The following SNX18 variants were observed in gnomAD, a reference collection of about 807,000 sequenced individuals.
SNX18 encodes sorting nexin-18.
Under a neutral mutation model 48.7 loss-of-function variants are expected in SNX18, and 35 were observed. The ratio of observed to expected loss-of-function variants is 0.72; its 90% CI spans 0.55 to 0.95. SNX18 has a LOEUF of 0.95. Among genes scored for constraint, SNX18 ranks in the 40% least tolerant of loss-of-function variants. SNX18 has a pLI of 0.00. For missense variants in SNX18, 824 were observed against 871.0 expected (o/e 0.95, Z 0.68); for synonymous variants, 492 against 384.7 (o/e 1.28, Z -3.26).
the SNX18 span, among the ~76,000 whole-genome samples, chr5:54,578,596 A>G: frequency 6.6e-6 from 1 of 152,190 alleles, no homozygotes; most frequent in African/African-American, 2.4e-5. Context: ...TTCTCTCCTG[A>G]CAGCCCAGAA....
In SNX18 at chr5:54,518,624, C is replaced by T. The variant is rs766223698; in HGVS notation, c.672C>T (p.Thr224=). ...CGTCGGGGCCCAAGAGCTCGGCCAC[C>T]GTGAGCCGCAACCTCAATCGCTTCT... ...HHPSGPKSSA[T]VSRNLNRFST... is the part of the protein sequence containing the mutation. The change falls in exon 1 of 2, where the codon ACC becomes ACT. Residue 224 remains threonine (T), a synonymous_variant. Transcript: ENST00000381410. The T allele has an allele frequency of 1.9e-6, 3 of 1,560,868 alleles. No individual in the cohort carries two copies. Among genetic ancestry groups the T allele is most frequent in the South Asian group, 2.4e-5 (2 of 82,324 alleles).
the SNX18 span, among the ~76,000 whole-genome samples, chr5:54,601,730 C>G: frequency 6.6e-6 from 1 of 152,122 alleles, no homozygotes. Flanking sequence ...CCTTCTGCTC[C>G]TCTTGACCCT....
At chr5:54,542,101 G>A (rs1031921093) in intron 1 of SNX18, among the ~76,000 whole-genome samples, 2 of 152,186 alleles carry the variant, frequency 1.3e-5, no homozygotes, top group African/African-American at 4.8e-5. Context: ...GCTAGGCACA[G>A]TCGGGAAATC....
chr5:54,550,738 C>G (rs1185914360), downstream of SNX18, among the ~76,000 whole-genome samples: 1 of 152,060 alleles, frequency 6.6e-6, no homozygotes, highest in African/African-American at 2.4e-5. Context: ...GTGCCCGCCA[C>G]CATGCCTGGC....
intron 1 of SNX18, among the ~76,000 whole-genome samples, chr5:54,541,177 G>A (rs536861336): frequency 6.2e-4 from 94 of 152,036 alleles, no homozygotes; most frequent in South Asian, 1.2e-3. Context: ...ACAGGTGCCC[G>A]CCACCACGCC....
At chr5:54,582,616 A>C in the SNX18 span, among the ~76,000 whole-genome samples, 1 of 151,960 alleles carries the variant, frequency 6.6e-6, no homozygotes, top group Non-Finnish European at 1.5e-5. Flanking sequence ...AAAACCAAAA[A>C]ACAAAAAAAC....
At chr5:54,646,506 G>T in the SNX18 span, among the ~76,000 whole-genome samples, 1 of 152,230 alleles carries the variant, frequency 6.6e-6, no homozygotes, top group Non-Finnish European at 1.5e-5. Flanking sequence ...GGAGAGGCTT[G>T]AAGGCTTTTT....
chr5:54,577,199 G>T, the SNX18 span, among the ~76,000 whole-genome samples: 1 of 152,140 alleles, frequency 6.6e-6, no homozygotes, highest in East Asian at 1.9e-4. Flanking sequence ...ATGACACCTT[G>T]GCAAGTCATT....
the SNX18 span, among the ~76,000 whole-genome samples, chr5:54,587,911 A>T: frequency 6.6e-6 from 1 of 152,178 alleles, no homozygotes; most frequent in Non-Finnish European, 1.5e-5. Flanking sequence ...GCATAAGATG[A>T]CATCCTGGAC....
At chr5:54,569,339 G>A in the SNX18 span, among the ~76,000 whole-genome samples, 2 of 152,162 alleles carry the variant, frequency 1.3e-5, no homozygotes, top group Admixed American at 6.5e-5. Context: ...AAAGTTGAGT[G>A]CACTATTCAT....
the SNX18 span, among the ~76,000 whole-genome samples, chr5:54,590,001 G>C: frequency 6.6e-6 from 1 of 152,194 alleles, no homozygotes; most frequent in Non-Finnish European, 1.5e-5. Context: ...ATGTTGCTCA[G>C]GCTGGTCTCA....
At chr5:54,627,847 T>C in the SNX18 span, among the ~76,000 whole-genome samples, 3 of 152,156 alleles carry the variant, frequency 2.0e-5, no homozygotes, top group Non-Finnish European at 4.4e-5. Flanking sequence ...GTGGAGGCCC[T>C]GTAAGGATGA....
In SNX18 at chr5:54,519,347, G is replaced by T. The variant is rs550269444; in HGVS notation, c.1395G>T (p.Gln465His). 24 of 1,613,382 alleles carry T rather than the reference G, an allele frequency of 1.5e-5. No individual in the cohort carries two copies. Among genetic ancestry groups the T allele is most frequent in the Non-Finnish European group, 1.9e-5 (23 of 1,179,614 alleles). ...TGACCGGCTTCAAAAAGGAGTATCAGAAGGTGGGCCAGTCCTTCCGCGGCC... is the reference window on the plus strand; with the variant it reads ...TGACCGGCTTCAAAAAGGAGTATCATAAGGTGGGCCAGTCCTTCCGCGGCC... ...KQVTGFKKEY[Q>H]KVGQSFRGLS... is the part of the protein sequence containing the mutation. The change falls in exon 1 of 2, where the codon CAG becomes CAT. Residue 465 changes from glutamine to histidine, a missense_variant. Coordinates refer to ENST00000381410, the MANE Select transcript of SNX18 (RefSeq NM_001102575.2).
downstream of SNX18, among the ~76,000 whole-genome samples, chr5:54,547,786 C>T (rs1762597746): frequency 6.6e-6 from 1 of 152,180 alleles, no homozygotes; most frequent in Admixed American, 6.5e-5. Flanking sequence ...AAGCACATTC[C>T]AGTTGCCATA....
the SNX18 span, among the ~76,000 whole-genome samples, chr5:54,636,448 T>C: frequency 1.3e-5 from 2 of 151,936 alleles, no homozygotes; most frequent in African/African-American, 2.4e-5. Flanking sequence ...AAAAATTGAG[T>C]TGTATGCATA....
chr5:54,607,990 G>T, the SNX18 span, among the ~76,000 whole-genome samples: 3 of 152,242 alleles, frequency 2.0e-5, no homozygotes, highest in African/African-American at 7.2e-5. Flanking sequence ...CATGTGCAGG[G>T]TTTTATGTGA....
downstream of SNX18, among the ~76,000 whole-genome samples, chr5:54,551,172 G>A (rs1273952136): frequency 6.6e-6 from 1 of 152,110 alleles, no homozygotes; most frequent in Admixed American, 6.5e-5. Flanking sequence ...ATTGTACAAG[G>A]CACAGGAAGA....
At chr5:54,606,684 G>T in the SNX18 span, among the ~76,000 whole-genome samples, 1 of 152,010 alleles carries the variant, frequency 6.6e-6, no homozygotes, top group Non-Finnish European at 1.5e-5. Flanking sequence ...AAATCAGACG[G>T]CTAGATCTCG....
the SNX18 span, among the ~76,000 whole-genome samples, chr5:54,631,697 T>C: frequency 6.6e-6 from 1 of 152,192 alleles, no homozygotes; most frequent in South Asian, 2.1e-4. Flanking sequence ...CAATCAGTAC[T>C]AGCTGAAGGA....
Sources: gnomAD v4.1 joint callset for allele counts (sites outside exome capture counted in the v4.1 genomes callset) on GRCh38, gnomAD v4.1.1 for gene constraint, MANE v1.5 for transcripts, NCBI Gene and HGNC (gene_info 2026-07-23, HGNC 2026-07-21) for gene names.